CFAP299: variants seen among roughly 807,000 people sequenced by gnomAD.
CFAP299 encodes cilia- and flagella-associated protein 299.
CFAP299 carries 21 observed loss-of-function variants against 27.0 expected under a neutral mutation model. The observed-to-expected ratio is 0.78, with a 90% CI of 0.55 to 1.12. CFAP299 has a LOEUF of 1.12. CFAP299 is among the 50% of genes most tolerant of loss of function. The pLI is 0.00. For missense variants in CFAP299, 310 were observed against 276.6 expected, an observed-to-expected ratio of 1.12 and a Z score of -0.86; for synonymous variants, 104 against 98.1, an observed-to-expected ratio of 1.06 and a Z score of -0.36.
chr4:80,949,174 T>C (rs2110234629), intron 5 of CFAP299, among the ~76,000 whole-genome samples: 1 of 152,284 alleles, frequency 6.6e-6, no homozygotes, highest in East Asian at 1.9e-4. Flanking sequence ...AGTTAATTAT[T>C]AGTAGAAACC....
At chr4:80,890,463 T>G (rs1734209754) in intron 4 of CFAP299, among the ~76,000 whole-genome samples, 1 of 152,136 alleles carries the variant, frequency 6.6e-6, no homozygotes, top group Admixed American at 6.5e-5. Context: ...AAAAGACTGA[T>G]GAAAGAAATT....
chr4:80,617,997 A>C (rs1180349965), intron 3 of CFAP299, among the ~76,000 whole-genome samples: 1 of 152,156 alleles, frequency 6.6e-6, no homozygotes, highest in Non-Finnish European at 1.5e-5. Flanking sequence ...ATTAAGAAGG[A>C]AAAGAAACTA....
chr4:80,323,526 G>A, the CFAP299 span, among the ~76,000 whole-genome samples: 14 of 152,114 alleles, frequency 9.2e-5, no homozygotes, highest in Non-Finnish European at 1.6e-4. Flanking sequence ...TCAAATCAAA[G>A]GATTTAGTAA....
chr4:80,629,164 A>G (rs1481663175), intron 3 of CFAP299, among the ~76,000 whole-genome samples: 1 of 152,182 alleles, frequency 6.6e-6, no homozygotes, highest in East Asian at 1.9e-4. Flanking sequence ...TTGCAACAAC[A>G]TGTATTAACC....
intron 2 of CFAP299, among the ~76,000 whole-genome samples, chr4:80,534,818 A>G (rs1733647935): frequency 6.6e-6 from 1 of 152,184 alleles, no homozygotes; most frequent in South Asian, 2.1e-4. Flanking sequence ...GCCAATTTAC[A>G]GAGTGTAAAT....
intron 2 of CFAP299, among the ~76,000 whole-genome samples, chr4:80,561,236 G>A (rs1184267318): frequency 6.6e-6 from 1 of 152,164 alleles, no homozygotes; most frequent in African/African-American, 2.4e-5. Context: ...CTATGAGCCT[G>A]AAAGAACCAC....
intron 2 of CFAP299, among the ~76,000 whole-genome samples, chr4:80,382,834 AT>A (rs1412584781): frequency 6.6e-6 from 1 of 152,186 alleles, no homozygotes; most frequent in Non-Finnish European, 1.5e-5. Flanking sequence ...TTATATTTAT[AT>A]TCCCAAAGGA....
chr4:80,386,568 G>A (rs1725018249), intron 2 of CFAP299: 3 of 1,597,214 alleles, frequency 1.9e-6, no homozygotes, highest in South Asian at 1.1e-5. Flanking sequence ...GGGCCGAGAC[G>A]ACAGCGGTGA....
At chr4:80,732,775 A>G (rs1275825989) in intron 3 of CFAP299, among the ~76,000 whole-genome samples, 2 of 152,170 alleles carry the variant, frequency 1.3e-5, no homozygotes, top group Admixed American at 6.6e-5. Flanking sequence ...TCCTCGTACT[A>G]GAAAAGATTC....
intron 3 of CFAP299, among the ~76,000 whole-genome samples, chr4:80,728,029 A>C (rs190175045): frequency 2.3e-3 from 348 of 152,154 alleles, no homozygotes; most frequent in African/African-American, 8.1e-3. Context: ...ATGAATAACA[A>C]AAACAATTTC....
At chr4:80,872,415 T>C (rs1028444877) in intron 4 of CFAP299, 1 of 152,150 alleles carries the variant, frequency 6.6e-6, no homozygotes, top group African/African-American at 2.4e-5. Context: ...TGAATTCTTC[T>C]ATAGAGAAAA....
In CFAP299 at chr4:80,856,962, G is replaced by A. The variant is rs572070926; in HGVS notation, c.334-13031G>A. Among the ~76,000 whole-genome samples the A allele has an allele frequency of 8.6e-5, 13 of 152,002 alleles. No individual in the cohort carries two copies. In the South Asian group the frequency reaches 2.7e-3, roughly 32 times the overall value. On this transcript the variant is annotated intron_variant, in intron 3 of 5. Transcript: ENST00000358105. ...GAAGAAAGTCATTGGTAGCTTGATG[G>A]GGATGGCATTGAATCTGTAAATTAC...
chr4:80,945,624 A>G (rs966749211), intron 5 of CFAP299, among the ~76,000 whole-genome samples: 1 of 152,076 alleles, frequency 6.6e-6, no homozygotes, highest in African/African-American at 2.4e-5. Context: ...TATTGTTTTT[A>G]AATTTTGAAA....
chr4:80,399,610 A>G (rs1726022335), intron 2 of CFAP299, among the ~76,000 whole-genome samples: 1 of 148,724 alleles, frequency 6.7e-6, no homozygotes, highest in Admixed American at 6.8e-5. Flanking sequence ...CAAACACCTC[A>G]TGTTCTCACT....
chr4:80,902,828 A>G (rs1734997002), intron 4 of CFAP299, among the ~76,000 whole-genome samples: 2 of 151,940 alleles, frequency 1.3e-5, no homozygotes, highest in African/African-American at 4.8e-5. Context: ...ATCAGAGAAT[A>G]AATTATCTTT....
intron 3 of CFAP299, among the ~76,000 whole-genome samples, chr4:80,668,297 CT>C (rs2109989439): frequency 6.6e-6 from 1 of 152,122 alleles, no homozygotes; most frequent in African/African-American, 2.4e-5. Context: ...TGTGCAGAAG[CT>C]TTTTAGTTTG....
At chr4:80,915,344 C>A (rs534885443) in intron 4 of CFAP299, among the ~76,000 whole-genome samples, 5 of 151,812 alleles carry the variant, frequency 3.3e-5, no homozygotes, top group African/African-American at 1.2e-4. Context: ...CTGATGGATA[C>A]CTTTTGTAAT....
At chr4:80,714,887 G>A (rs1162202078) in intron 3 of CFAP299, among the ~76,000 whole-genome samples, 3 of 151,938 alleles carry the variant, frequency 2.0e-5, no homozygotes, top group Non-Finnish European at 2.9e-5. Flanking sequence ...TCATACTTCC[G>A]ACATTGACTA....
chr4:80,801,859 C>G (rs984326225), intron 3 of CFAP299, among the ~76,000 whole-genome samples: 2 of 152,132 alleles, frequency 1.3e-5, no homozygotes, highest in African/African-American at 4.8e-5. Context: ...TCTGCTTTCT[C>G]ACATTCAAGC....
Sources: gnomAD v4.1 joint callset for allele counts (sites outside exome capture counted in the v4.1 genomes callset) on GRCh38, gnomAD v4.1.1 for gene constraint, MANE v1.5 for transcripts, NCBI Gene and HGNC (gene_info 2026-07-23, HGNC 2026-07-21) for gene names.